PTPRK: variants seen among roughly 807,000 people sequenced by gnomAD.
PTPRK encodes the protein protein tyrosine phosphatase receptor type K, also known as receptor-type tyrosine-protein phosphatase kappa.
Under a neutral mutation model 178.0 loss-of-function variants are expected in PTPRK, and 75 were observed. The ratio of observed to expected loss-of-function variants is 0.42; its 90% CI spans 0.35 to 0.51. The LOEUF is 0.51. PTPRK is among the 20% of genes least tolerant of loss of function. The pLI, the probability that PTPRK is intolerant of heterozygous loss-of-function variation, is 0.02. For missense variants in PTPRK, 1,441 were observed against 1,797.8 expected, an observed-to-expected ratio of 0.80 and a Z score of 3.59; for synonymous variants, 637 against 620.6, an observed-to-expected ratio of 1.03 and a Z score of -0.39.
intron 1 of PTPRK, among the ~76,000 whole-genome samples, chr6:128,518,342 A>G (rs1858403193): frequency 6.6e-6 from 1 of 152,246 alleles, no homozygotes; most frequent in African/African-American, 2.4e-5. Context: ...AACTCCAGGT[A>G]TCAGAAAAGC....
intron 15 of PTPRK, chr6:128,000,210 T>C: frequency 9.1e-7 from 1 of 1,095,484 alleles, no homozygotes; most frequent in Non-Finnish European, 1.1e-6. Context: ...TAGAGAATGA[T>C]ATTTAATTAA....
intron 1 of PTPRK, among the ~76,000 whole-genome samples, chr6:128,412,688 T>C (rs531532076): frequency 2.0e-5 from 3 of 152,344 alleles, no homozygotes; most frequent in African/African-American, 7.2e-5. Context: ...GTACAAACTA[T>C]GGCCAATGAT....
chr6:128,333,076 C>A (rs1037799518), intron 2 of PTPRK, among the ~76,000 whole-genome samples: 4 of 152,126 alleles, frequency 2.6e-5, no homozygotes, highest in Non-Finnish European at 1.5e-5. Context: ...AGTAACATGA[C>A]CCAAAAGGCA....
chr6:128,113,428 C>A (rs942332983), intron 7 of PTPRK, among the ~76,000 whole-genome samples: 3 of 150,008 alleles, frequency 2.0e-5, no homozygotes, highest in African/African-American at 7.3e-5. Context: ...GTTCTCAATA[C>A]CTGCAGGTTC....
At chr6:128,055,756 T>C (rs1779781181) in intron 13 of PTPRK, among the ~76,000 whole-genome samples, 1 of 152,030 alleles carries the variant, frequency 6.6e-6, no homozygotes, top group Non-Finnish European at 1.5e-5. Flanking sequence ...TGTGCCACCA[T>C]GCCCAGCTAA....
At position 128,126,781 on chromosome 6, in the gene PTPRK, A is replaced by T. The variant is rs1258479561; in HGVS notation, c.1163-36789T>A. Among the ~76,000 whole-genome samples the T allele has an allele frequency of 4.6e-5, 7 of 152,154 alleles. No individual in the cohort carries two copies. In the East Asian group the frequency reaches 1.3e-3, roughly 29 times the overall value. ...TGAGGTTATAGGGGTGACCCATGGC[A>T]CTCAGCCCAGAAATAAGATTTTGAA... On this transcript the variant is annotated intron_variant, in intron 7 of 29. Transcript: ENST00000368226.
chr6:128,003,198 T>C, intron 15 of PTPRK: 1 of 1,603,298 alleles, frequency 6.2e-7, no homozygotes, highest in Non-Finnish European at 8.5e-7. Flanking sequence ...GGGCCTCACC[T>C]AACACAGCAG....
At chr6:128,074,871 T>C (rs1337792038) in intron 11 of PTPRK, among the ~76,000 whole-genome samples, 1 of 151,974 alleles carries the variant, frequency 6.6e-6, no homozygotes, top group Non-Finnish European at 1.5e-5. Flanking sequence ...CTCTTAGAGA[T>C]TAAAACTTGG....
At chr6:128,043,555 TGAAAA>T (rs143760574) in intron 13 of PTPRK, among the ~76,000 whole-genome samples, 258 of 151,972 alleles carry the variant, frequency 1.7e-3, no homozygotes, top group Non-Finnish European at 2.9e-3. Context: ...AGCCAATCAG[TGAAAA>T]GAAGTGTTCT....
At chr6:128,198,997 T>C (rs1805422217) in intron 6 of PTPRK, among the ~76,000 whole-genome samples, 1 of 152,176 alleles carries the variant, frequency 6.6e-6, no homozygotes, top group Non-Finnish European at 1.5e-5. Context: ...GGTGAAGATG[T>C]GAAACTTTAT....
intron 1 of PTPRK, among the ~76,000 whole-genome samples, chr6:128,423,724 A>C (rs1165704125): frequency 6.6e-6 from 1 of 152,078 alleles, no homozygotes; most frequent in Admixed American, 6.6e-5. Context: ...GCTACACGGG[A>C]GGCTGAGGCA....
At position 128,520,494 on chromosome 6, in the gene PTPRK, C is replaced by G; in HGVS notation, c.-136G>C. On this transcript the variant is annotated 5_prime_UTR_variant, in exon 1 of 30. Coordinates refer to ENST00000368226, the MANE Select transcript of PTPRK (RefSeq NM_002844.4). ...GGACAGCCGCCCGCCCGCCCTTTTT[C>G]CTTCTTCGCGGTCGCCAAACTACCT... is the stretch of plus-strand genomic sequence containing the variant. 1.3e-6 allele frequency: 1 copy of G among 793,142 alleles called. No individual in the cohort carries two copies. Among genetic ancestry groups the G allele is most frequent in the Admixed American group, 2.6e-5 (1 of 37,840 alleles). 49.1% of individuals were successfully genotyped at this position (793,142 alleles called of 1,614,324 possible).
At chr6:128,068,272 T>G (rs1782179873) in intron 11 of PTPRK, among the ~76,000 whole-genome samples, 2 of 152,228 alleles carry the variant, frequency 1.3e-5, no homozygotes, top group South Asian at 2.1e-4. Flanking sequence ...AGAGACAGAA[T>G]GTACTGACAG....
At position 128,006,222 on chromosome 6, in the gene PTPRK, G is replaced by GT. The variant is rs201699785; in HGVS notation, c.2334-979dup. Among the ~76,000 whole-genome samples the GT allele has an allele frequency of 9.9e-3, 1,492 of 150,618 alleles. 30 individuals carry two copies. Among genetic ancestry groups the GT allele is most frequent in the African/African-American group, 0.033 (1,380 of 41,274 alleles). On this transcript the variant is annotated intron_variant, in intron 14 of 29. Transcript: ENST00000368226. The stretch of plus-strand genomic sequence containing the variant: ...ATTTCAATTTGCTCATGCATTGTTA[G>GT]TTTTTTTTGCCATGCAATTAAACAG...
chr6:127,982,984 C>T lies in PTPRK; in HGVS notation c.3388-4G>A. ...CATGAATAAAAATGTACTGTTCCTACCAAAAGAATGAAAAAGAAAATTTTG... is the reference window on the plus strand; with the variant it reads ...CATGAATAAAAATGTACTGTTCCTATCAAAAGAATGAAAAAGAAAATTTTG... On this transcript the variant is annotated splice_region_variant and splice_polypyrimidine_tract_variant and intron_variant, in intron 23 of 29. Coordinates refer to ENST00000368226, the MANE Select transcript of PTPRK (RefSeq NM_002844.4). 2.5e-6 allele frequency: 4 copies of T among 1,599,972 alleles called. No individual in the cohort carries two copies. Among genetic ancestry groups the T allele is most frequent in the Non-Finnish European group, 3.4e-6 (4 of 1,175,526 alleles).
chr6:128,269,843 C>G (rs1323718563), intron 3 of PTPRK, among the ~76,000 whole-genome samples: 1 of 152,074 alleles, frequency 6.6e-6, no homozygotes, highest in Non-Finnish European at 1.5e-5. Flanking sequence ...ATTCCAACAA[C>G]AACATTTCCT....
At chr6:128,502,591 C>A (rs1855720459) in intron 1 of PTPRK, among the ~76,000 whole-genome samples, 1 of 152,086 alleles carries the variant, frequency 6.6e-6, no homozygotes, top group Non-Finnish European at 1.5e-5. Context: ...GGGCTGAAAC[C>A]AGCCTATACC....
chr6:127,977,329 A>T (rs1216793895), intron 25 of PTPRK, among the ~76,000 whole-genome samples: 1 of 152,348 alleles, frequency 6.6e-6, no homozygotes, highest in Admixed American at 6.5e-5. Flanking sequence ...AAAGACGTAA[A>T]TACAGGACAA....
At chr6:128,445,172 A>C (rs1303751054) in intron 1 of PTPRK, among the ~76,000 whole-genome samples, 2 of 142,872 alleles carry the variant, frequency 1.4e-5, no homozygotes, top group East Asian at 3.9e-4. Flanking sequence ...TGAGCAAAAT[A>C]GCAAGACCCC....
Sources: gnomAD v4.1 joint callset for allele counts (sites outside exome capture counted in the v4.1 genomes callset) on GRCh38, gnomAD v4.1.1 for gene constraint, MANE v1.5 for transcripts, NCBI Gene and HGNC (gene_info 2026-07-23, HGNC 2026-07-21) for gene names.